The following FAM135B variants were observed in gnomAD, a reference collection of about 807,000 sequenced individuals.
The protein encoded by FAM135B is family with sequence similarity 135 member B, also known as protein FAM135B.
A neutral mutation model predicts 127.7 loss-of-function variants in FAM135B; 43 were observed. The ratio of observed to expected loss-of-function variants is 0.34; its 90% CI spans 0.26 to 0.43. FAM135B has a LOEUF of 0.43. Ranked by LOEUF, FAM135B falls within the 20% of genes least tolerant of loss-of-function variation. FAM135B has a pLI of 1.00. For missense variants in FAM135B, 1,558 were observed against 1,725.6 expected (o/e 0.90, Z 1.72); for synonymous variants, 670 against 665.1 (o/e 1.01, Z -0.11).
At position 138,414,119 on chromosome 8, in the gene FAM135B, CAT is replaced by C. The variant is rs60918986; in HGVS notation, c.-19-46119_-19-46118del. On this transcript the variant is annotated intron_variant, in intron 1 of 19. Coordinates refer to ENST00000395297, the MANE Select transcript of FAM135B (RefSeq NM_015912.4). ...AAGTTCCCCTGTTCACACACAAATA[CAT>C]ATATATATATATATATATGCACAAA... 7.1e-3 allele frequency among the ~76,000 whole-genome samples: 882 copies of C among 124,346 alleles called. 14 individuals carry two copies. Among genetic ancestry groups the C allele is most frequent in the African/African-American group, 0.014 (479 of 35,214 alleles). 81.6% of individuals were successfully genotyped at this position (124,346 alleles called of 152,430 possible).
intron 1 of FAM135B, among the ~76,000 whole-genome samples, chr8:138,379,859 G>A (rs922911944): frequency 2.0e-5 from 3 of 152,196 alleles, no homozygotes; most frequent in African/African-American, 7.2e-5. Context: ...CCTGTCCCTG[G>A]AAGAACGTCG....
chr8:138,460,640 G>A (rs1837067845), intron 1 of FAM135B, among the ~76,000 whole-genome samples: 1 of 152,124 alleles, frequency 6.6e-6, no homozygotes, highest in Non-Finnish European at 1.5e-5. Flanking sequence ...CTTCCAGGAT[G>A]CTCCTCTAGG....
chr8:138,337,060 C>T (rs542930869), intron 2 of FAM135B, among the ~76,000 whole-genome samples: 5 of 151,972 alleles, frequency 3.3e-5, no homozygotes, highest in African/African-American at 1.2e-4. Context: ...TTCAACAACC[C>T]TTCATGCTAA....
intron 1 of FAM135B, among the ~76,000 whole-genome samples, chr8:138,421,218 C>G (rs1474380304): frequency 6.6e-6 from 1 of 152,058 alleles, no homozygotes. Flanking sequence ...GAGGCTGAGG[C>G]AGGAGAATGG....
intron 1 of FAM135B, among the ~76,000 whole-genome samples, chr8:138,445,582 G>A (rs1330842052): frequency 6.6e-6 from 1 of 152,230 alleles, no homozygotes; most frequent in Non-Finnish European, 1.5e-5. Flanking sequence ...ATGCAGAAAA[G>A]GCCTTTGACA....
chr8:138,422,246 A>G (rs1484742732), intron 1 of FAM135B, among the ~76,000 whole-genome samples: 2 of 152,156 alleles, frequency 1.3e-5, no homozygotes, highest in African/African-American at 4.8e-5. Context: ...AAAAGCAATT[A>G]TAACAAAAAC....
At chr8:138,348,127 CTTTTTTTT>C (rs58289442) in intron 2 of FAM135B, among the ~76,000 whole-genome samples, 4 of 52,850 alleles carry the variant, frequency 7.6e-5, no homozygotes, top group East Asian at 6.1e-4. Context: ...TTTTCCTCCT[CTTTTTTTT>C]TTTTTTTTTT....
chr8:138,364,746 A>T (rs1305805443), intron 2 of FAM135B, among the ~76,000 whole-genome samples: 2 of 152,204 alleles, frequency 1.3e-5, no homozygotes, highest in African/African-American at 4.8e-5. Flanking sequence ...CCTCATATAT[A>T]ATATGCATTA....
At chr8:138,284,683 C>T (rs1256419494) in intron 3 of FAM135B, among the ~76,000 whole-genome samples, 1 of 151,896 alleles carries the variant, frequency 6.6e-6, no homozygotes, top group African/African-American at 2.4e-5. Context: ...GAGGCTTCAA[C>T]TCGCCCCTCA....
chr8:138,442,829 C>CTA lies in FAM135B; in HGVS notation c.-20+53840_-20+53841dup, dbSNP rs1341471564. Among the ~76,000 whole-genome samples, 3 of 152,186 alleles carry CTA rather than the reference C, an allele frequency of 2.0e-5. No individual in the cohort carries two copies. The East Asian group carries it at 5.8e-4, about 30-fold the overall frequency. On this transcript the variant is annotated intron_variant, in intron 1 of 19. Transcript: ENST00000395297. ...AAGGACTGATGGGCTCTAGCTGTGT[C>CTA]TATAATTTGATAAGACAAGGACAGC... is the stretch of plus-strand genomic sequence containing the variant.
intron 3 of FAM135B, among the ~76,000 whole-genome samples, chr8:138,310,344 C>T (rs1358138660): frequency 2.0e-5 from 3 of 152,208 alleles, no homozygotes; most frequent in African/African-American, 4.8e-5. Flanking sequence ...CCTGGTTACC[C>T]ACTTTGTACT....
In FAM135B at chr8:138,316,281, C is replaced by T. The variant is rs183986549; in HGVS notation, c.78-5361G>A. On this transcript the variant is annotated intron_variant, in intron 2 of 19. Transcript: ENST00000395297. ...CAGCACTTTGGGAGGCCGAGGCGGGCGGATCACGAGGTCAGGAGATCGAGA... is the reference window on the plus strand; with the variant it reads ...CAGCACTTTGGGAGGCCGAGGCGGGTGGATCACGAGGTCAGGAGATCGAGA... Among the ~76,000 whole-genome samples, 707 of 150,468 alleles carry T rather than the reference C, an allele frequency of 4.7e-3. 5 individuals are homozygous for T. Among genetic ancestry groups the T allele is most frequent in the African/African-American group, 0.015 (612 of 40,968 alleles).
At chr8:138,283,976 A>C (rs1824476113) in intron 3 of FAM135B, among the ~76,000 whole-genome samples, 1 of 151,946 alleles carries the variant, frequency 6.6e-6, no homozygotes, top group Admixed American at 6.6e-5. Context: ...GAGAACAGTG[A>C]GCTGGACAAA....
chr8:138,445,331 C>A (rs559743218), intron 1 of FAM135B, among the ~76,000 whole-genome samples: 2,200 of 152,278 alleles, frequency 0.014, 51 homozygotes, highest in African/African-American at 0.05. Flanking sequence ...GATACCAAAG[C>A]CTGGCAGAGA....
chr8:138,488,554 G>A (rs575748072), intron 1 of FAM135B, among the ~76,000 whole-genome samples: 1 of 152,294 alleles, frequency 6.6e-6, no homozygotes, highest in African/African-American at 2.4e-5. Context: ...AACATCAGGG[G>A]ATGATCTGTC....
chr8:138,396,176 G>A (rs993606585), intron 1 of FAM135B, among the ~76,000 whole-genome samples: 7 of 152,126 alleles, frequency 4.6e-5, no homozygotes, highest in Non-Finnish European at 1.0e-4. Flanking sequence ...TGTGGCCTTG[G>A]GGTACAGAAC....
chr8:138,318,400 C>T (rs577860492), intron 2 of FAM135B, among the ~76,000 whole-genome samples: 4 of 152,330 alleles, frequency 2.6e-5, no homozygotes, highest in African/African-American at 9.6e-5. Context: ...CATCCCACTG[C>T]ACTTGAAGTG....
At chr8:138,416,080 A>G (rs998650201) in intron 1 of FAM135B, among the ~76,000 whole-genome samples, 11 of 152,018 alleles carry the variant, frequency 7.2e-5, no homozygotes, top group African/African-American at 2.7e-4. Flanking sequence ...CTCTTTCTTC[A>G]TCCTCCCTCA....
At chr8:138,462,721 GA>G (rs1372806279) in intron 1 of FAM135B, among the ~76,000 whole-genome samples, 1 of 152,128 alleles carries the variant, frequency 6.6e-6, no homozygotes. Context: ...ATATAACAAA[GA>G]AAATGCTAGG....
Sources: allele counts gnomAD v4.1 joint callset (sites outside exome capture counted in the v4.1 genomes callset), GRCh38; gene constraint gnomAD v4.1.1; transcripts MANE v1.5; gene names NCBI Gene and HGNC (gene_info 2026-07-23, HGNC 2026-07-21).